TSHZ3: variants seen among roughly 807,000 people sequenced by gnomAD.
The protein encoded by TSHZ3 is teashirt zinc finger homeobox 3, also known as teashirt homolog 3.
In TSHZ3, 10 loss-of-function variants were observed where a neutral mutation model predicts 64.5. The observed-to-expected ratio is 0.16, with a 90% confidence interval of 0.10 to 0.26. TSHZ3 has a LOEUF of 0.26. TSHZ3 is among the 10% of genes least tolerant of loss of function. The pLI is 1.00. For synonymous variants in TSHZ3, 608 were observed against 593.1 expected (o/e 1.03, Z -0.36); for missense variants, 1,242 against 1,421.7 (o/e 0.87, Z 2.03).
rs926144270 is a variant in TSHZ3, at chr19:31,349,220, G to A, written c.-1C>T. On this transcript the variant is annotated 5_prime_UTR_variant, in exon 1 of 2. Coordinates refer to ENST00000240587, the MANE Select transcript of TSHZ3 (RefSeq NM_020856.4). ...GCGCCTGCTGCTTCCTCCTCGGCAT[G>A]ATGCTTCTCCGGCGACTGCCACTGC... 15 of 1,538,656 alleles carry A rather than the reference G, an allele frequency of 9.7e-6. No individual in the cohort carries two copies. The highest frequency in any genetic ancestry group is 1.4e-5 in the African/African-American group (1 of 71,496).
intron 5 of TSHZ3, among the ~76,000 whole-genome samples, chr19:31,169,549 G>T (rs1974506508): frequency 6.6e-6 from 1 of 152,130 alleles, no homozygotes; most frequent in African/African-American, 2.4e-5. Flanking sequence ...TGGCAGTAAT[G>T]ATTATACAAC....
chr19:31,250,017 G>C (rs1472188659), intron 1 of TSHZ3, among the ~76,000 whole-genome samples: 1 of 152,238 alleles, frequency 6.6e-6, no homozygotes, highest in Non-Finnish European at 1.5e-5. Flanking sequence ...GCTGCTCTGA[G>C]CTGTTCCTGG....
chr19:31,289,764 C>T (rs73035728), intron 1 of TSHZ3, among the ~76,000 whole-genome samples: 9,947 of 152,178 alleles, frequency 0.065, 430 homozygotes, highest in Non-Finnish European at 0.1. Flanking sequence ...CAAGCTGGGC[C>T]GCGTTCTCCT....
chr19:31,164,291 A>G lies in TSHZ3; in HGVS notation n.810-7874T>C, dbSNP rs138741078. ...TGTTCCTGCACTGCGAATTCTGGGG[A>G]CGCGCTGTTGACCTGGACCCCTGAG... On this transcript the variant is annotated intron_variant and non_coding_transcript_variant, in intron 5 of 6. Coordinates refer to the TSHZ3 transcript ENST00000651361. 8.4e-4 allele frequency among the ~76,000 whole-genome samples: 128 copies of G among 152,232 alleles called. No individual in the cohort carries two copies. In the East Asian group the frequency reaches 0.02, roughly 23 times the overall value.
intron 5 of TSHZ3, among the ~76,000 whole-genome samples, chr19:31,184,700 C>T (rs1173454432): frequency 6.6e-6 from 1 of 152,146 alleles, no homozygotes; most frequent in African/African-American, 2.4e-5. Context: ...CAGAGTTTTG[C>T]TATTTTCCTG....
intron 4 of TSHZ3, among the ~76,000 whole-genome samples, chr19:31,225,738 C>T (rs1225716717): frequency 9.2e-5 from 14 of 152,122 alleles, no homozygotes; most frequent in Non-Finnish European, 1.5e-5. Flanking sequence ...TTACAGTTTC[C>T]ACTAGTCTCC....
chr19:31,170,619 C>A (rs374732097), intron 5 of TSHZ3, among the ~76,000 whole-genome samples: 1 of 152,280 alleles, frequency 6.6e-6, no homozygotes, highest in East Asian at 1.9e-4. Flanking sequence ...TTCTCTCATA[C>A]CCTTCCAAGT....
intron 1 of TSHZ3, among the ~76,000 whole-genome samples, chr19:31,266,668 G>A (rs181849412): frequency 4.6e-5 from 7 of 152,342 alleles, no homozygotes; most frequent in African/African-American, 1.4e-4. Flanking sequence ...AAGAAAAAAA[G>A]TTGTGGTATA....
At chr19:31,271,474 G>A (rs1045037497), downstream of TSHZ3, among the ~76,000 whole-genome samples, 1 of 152,208 alleles carries the variant, frequency 6.6e-6, no homozygotes, top group African/African-American at 2.4e-5. Context: ...GCTGCCACAC[G>A]GCACGCAGGA....
At chr19:31,241,898 G>A (rs575635694) in intron 3 of TSHZ3, among the ~76,000 whole-genome samples, 240 of 152,172 alleles carry the variant, frequency 1.6e-3, no homozygotes, top group Non-Finnish European at 2.0e-3. Flanking sequence ...AGAACCAACT[G>A]AGCTATTCCG....
intron 5 of TSHZ3, chr19:31,167,444 C>T (rs916872954): frequency 6.6e-6 from 1 of 152,090 alleles, no homozygotes; most frequent in African/African-American, 2.4e-5. Flanking sequence ...GGTTGCAGAC[C>T]TTTATCGAGG....
chr19:31,225,786 T>G (rs951510624), intron 4 of TSHZ3, among the ~76,000 whole-genome samples: 6 of 152,134 alleles, frequency 3.9e-5, no homozygotes, highest in Admixed American at 2.6e-4. Context: ...TCACTCATTT[T>G]CCTCCTGCTG....
At chr19:31,297,659 G>T (rs574054861) in intron 1 of TSHZ3, among the ~76,000 whole-genome samples, 117 of 152,030 alleles carry the variant, frequency 7.7e-4, no homozygotes, top group African/African-American at 2.8e-3. Flanking sequence ...GTAGAGTCAG[G>T]GTCTAGCTAT....
intron 1 of TSHZ3, among the ~76,000 whole-genome samples, chr19:31,248,788 GAA>G (rs60222074): frequency 1.3e-4 from 12 of 91,172 alleles, no homozygotes; most frequent in South Asian, 3.7e-4. Context: ...GACCCTGTTT[GAA>G]AAAAAAAAAA....
At chr19:31,329,767 C>G (rs1238418622) in intron 1 of TSHZ3, among the ~76,000 whole-genome samples, 1 of 152,176 alleles carries the variant, frequency 6.6e-6, no homozygotes, top group Non-Finnish European at 1.5e-5. Context: ...CCCTGTGTAA[C>G]TCCATCCCTT....
intron 5 of TSHZ3, among the ~76,000 whole-genome samples, chr19:31,197,901 C>G (rs1365210958): frequency 6.6e-6 from 1 of 152,018 alleles, no homozygotes; most frequent in Non-Finnish European, 1.5e-5. Context: ...TCTGTAGACT[C>G]TGTTTCAAAA....
At chr19:31,162,883 G>A (rs146707314) in intron 5 of TSHZ3, among the ~76,000 whole-genome samples, 1 of 152,172 alleles carries the variant, frequency 6.6e-6, no homozygotes, top group Admixed American at 6.5e-5. Flanking sequence ...GGAAGTAATG[G>A]AATAATTCCA....
chr19:31,213,870 T>C (rs1018527377), intron 4 of TSHZ3, among the ~76,000 whole-genome samples: 3 of 152,268 alleles, frequency 2.0e-5, no homozygotes, highest in Admixed American at 2.0e-4. Flanking sequence ...AGCCTCGAGC[T>C]GCCCCTGGAG....
At chr19:31,342,866 G>A (rs1433843567) in intron 1 of TSHZ3, among the ~76,000 whole-genome samples, 1 of 152,252 alleles carries the variant, frequency 6.6e-6, no homozygotes, top group African/African-American at 2.4e-5. Context: ...ACTGGTGGAA[G>A]GGAGAGGGCA....
Sources: gnomAD v4.1 joint callset for allele counts (sites outside exome capture counted in the v4.1 genomes callset) on GRCh38, gnomAD v4.1.1 for gene constraint, MANE v1.5 for transcripts, NCBI Gene and HGNC (gene_info 2026-07-23, HGNC 2026-07-21) for gene names.